Variants in CSPG4 observed in about 807,000 individuals in gnomAD.
CSPG4 encodes the protein chondroitin sulfate proteoglycan 4.
In CSPG4, 74 loss-of-function variants were observed where a neutral mutation model predicts 139.3. That is an observed-to-expected ratio of 0.53 (90% CI 0.44 to 0.64). The LOEUF (loss-of-function observed/expected upper bound fraction) is 0.64. Ranked by LOEUF, CSPG4 falls within the 30% of genes least tolerant of loss-of-function variation. The pLI is 0.00. For missense variants in CSPG4, 2,565 were observed against 3,148.3 expected (o/e 0.81, Z 4.43); for synonymous variants, 1,234 against 1,394.2 (o/e 0.89, Z 2.56).
In CSPG4 at chr15:75,676,318, G is replaced by C. The variant is rs147716283; in HGVS notation, c.6201C>G (p.Val2067=). 17 of 1,610,316 alleles carry C rather than the reference G, an allele frequency of 1.1e-5. No homozygotes were observed. Among genetic ancestry groups the C allele is most frequent in the Non-Finnish European group, 1.4e-5 (16 of 1,179,380 alleles). The stretch of plus-strand genomic sequence containing the variant: ...GGTTGGCCAGCTCGCCAGCATCTAG[G>C]ACGGTGGGGTCCAGGCGCAGGGTGG... ...QGATLRLDPT[V]LDAGELANRT... The change falls in exon 10 of 10, where the codon GTC becomes GTG. Residue 2067 remains valine, a synonymous_variant. Coordinates refer to ENST00000308508, the MANE Select transcript of CSPG4 (RefSeq NM_001897.5).
chr15:75,687,980 C>T lies in CSPG4; in HGVS notation c.3085G>A (p.Val1029Met), dbSNP rs1434626951. 3 of 1,612,436 alleles carry T rather than the reference C, an allele frequency of 1.9e-6. No homozygotes were observed. Among genetic ancestry groups the T allele is most frequent in the African/African-American group, 2.7e-5 (2 of 74,950 alleles). ...PVQTISRIFHVARGGRRLLTT... is the reference protein window; with the variant it reads ...PVQTISRIFHMARGGRRLLTT... ...AGCAGCCGCCGCCCACCCCGGGCCA[C>T]ATGGAAGATCCGGCTGATGGTCTGC... is the stretch of plus-strand genomic sequence containing the variant. The change falls in exon 3 of 10, where the codon GTG becomes ATG. Residue 1029 changes from valine (V) to methionine (M), a missense_variant. Around this residue, in one of 5 missense-constraint regions of CSPG4, gnomAD observed 2,316 missense variants for 2,818.2 expected, o/e 0.82. Coordinates refer to ENST00000308508, the MANE Select transcript of CSPG4 (RefSeq NM_001897.5). This position sits in a 1 kb window ranked among gnomAD's most constrained non-coding sequence, Gnocchi z 5.4.
In CSPG4 at chr15:75,697,053, C is replaced by T. The variant is rs527726327; in HGVS notation, c.89-3820G>A. On this transcript the variant is annotated intron_variant, in intron 1 of 9. Coordinates refer to ENST00000308508, the MANE Select transcript of CSPG4 (RefSeq NM_001897.5). ...GGGGAACATCTCTGCCCATCAGGCC[C>T]GCCTCCCCCGGCCAGGGCCCCACCT... Among the ~76,000 whole-genome samples the T allele has an allele frequency of 7.2e-5, 11 of 152,332 alleles. No homozygotes were observed. In the East Asian group the frequency reaches 1.9e-3, roughly 27 times the overall value.
chr15:75,708,766 C>T (rs1952320284), intron 1 of CSPG4, among the ~76,000 whole-genome samples: 1 of 152,260 alleles, frequency 6.6e-6, no homozygotes, highest in African/African-American at 2.4e-5. Flanking sequence ...GTGGTTCACA[C>T]CTGTAATCCC....
At position 75,689,715 on chromosome 15, in the gene CSPG4, C is replaced by A. The variant is rs772099955; in HGVS notation, c.1350G>T (p.Arg450Ser). The change falls in exon 3 of 10, where the codon AGG becomes AGT. Residue 450 changes from arginine (R) to serine (S), a missense_variant. Physicochemically the swap from Arg to Ser is moderately radical, Grantham distance 110 (BLOSUM62 -1). Transcript: ENST00000308508. ...AEGGTAWLEWRHVQPTLDLME... is the reference protein window; with the variant it reads ...AEGGTAWLEWSHVQPTLDLME... ...TCAGGTCCAGCGTGGGCTGCACATG[C>A]CTCCACTCAAGCCAGGCTGTGCCCC... 7 of 1,612,754 alleles carry A rather than the reference C, an allele frequency of 4.3e-6. No individual in the cohort carries two copies. The highest frequency in any genetic ancestry group is 4.2e-6 in the Non-Finnish European group (5 of 1,179,836).
At chr15:75,682,159 G>A in intron 8 of CSPG4, 134 bp downstream of exon 8, 1 of 1,179,956 alleles carries the variant, frequency 8.5e-7, no homozygotes, top group Non-Finnish European at 1.2e-6. Context: ...ACTAGCGCCT[G>A]GACAATGGCA....
In CSPG4 at chr15:75,689,644, C is replaced by A. The variant is rs200809992; in HGVS notation, c.1421G>T (p.Arg474Leu). 8 of 1,612,896 alleles carry A rather than the reference C, an allele frequency of 5.0e-6. No homozygotes were observed. The East Asian group carries it at 1.8e-4, about 36-fold the overall frequency. ...CTCGAGCTCGCCATGGCGTGCCCCT[C>A]GGGTCACGCTGAACAGCACCTGGGA... ...RKSQVLFSVTRGARHGELELD... is the reference protein window; with the variant it reads ...RKSQVLFSVTLGARHGELELD... Residue 474 changes from arginine to leucine, a missense_variant, in exon 3 of 10, where the codon CGA (arginine) becomes CTA (leucine). By Grantham distance (102) the Arg-to-Leu change is moderately radical. Around this residue, in one of 5 missense-constraint regions of CSPG4, gnomAD observed 2,316 missense variants for 2,818.2 expected, o/e 0.82. Transcript: ENST00000308508.
intron 1 of CSPG4, among the ~76,000 whole-genome samples, chr15:75,701,321 A>G (rs1894298612): frequency 6.6e-6 from 1 of 152,152 alleles, no homozygotes. Flanking sequence ...ATGAGATGGC[A>G]TTTGTCCCGT....
chr15:75,682,517 T>C, intron 7 of CSPG4, 58 bp from the exon 8 acceptor site: 2 of 1,585,384 alleles, frequency 1.3e-6, no homozygotes. Flanking sequence ...CAGGCCTGTG[T>C]TTGCAAAGAG....
intron 1 of CSPG4, among the ~76,000 whole-genome samples, chr15:75,699,100 C>T (rs373589682): frequency 6.6e-5 from 10 of 152,200 alleles, no homozygotes; most frequent in African/African-American, 2.4e-5. Context: ...TCTCCTGTCC[C>T]GTGAGCTACC....
Position 75,690,110 on chromosome 15 carries a change from G to A in CSPG4, c.955C>T (p.Arg319Trp), listed in dbSNP as rs777887485. ...AGCCCCCCGAGAAGGAGACTGCCCC[G>A]TGGCTCCAGGTAGCTGAGGACTCCT... is the stretch of plus-strand genomic sequence containing the variant. Reference protein sequence around the residue: ...NRGVLSYLEPRGSLLLGGLDA... With the variant: ...NRGVLSYLEPWGSLLLGGLDA... The change falls in exon 3 of 10, where the codon CGG becomes TGG. Residue 319 changes from arginine to tryptophan, a missense_variant. By Grantham distance (101) the Arg-to-Trp change is moderately radical (BLOSUM62 -3). This residue lies in a region of CSPG4 where 2,316 missense variants were observed against 2,818.2 expected (regional missense o/e 0.82). Transcript: ENST00000308508. 36 of 1,612,582 alleles carry A rather than the reference G, an allele frequency of 2.2e-5. No homozygotes were observed. The highest frequency in any genetic ancestry group is 4.4e-5 in the South Asian group (4 of 90,988).
At position 75,682,564 on chromosome 15, in the gene CSPG4, C is replaced by T. The variant is rs1168772727; in HGVS notation, c.4783+43G>A. 1.1e-5 allele frequency: 17 copies of T among 1,605,724 alleles called. 1 individual carries two copies. The highest frequency in any genetic ancestry group is 1.4e-5 in the Non-Finnish European group (17 of 1,175,114). ...CTGGCATGCCACCCTCAGCTCCGCCCCAGCTCCTGGCACCCAGGAATGCCC... is the reference window on the plus strand; with the variant it reads ...CTGGCATGCCACCCTCAGCTCCGCCTCAGCTCCTGGCACCCAGGAATGCCC... On this transcript the variant is annotated intron_variant, in intron 7 of 9. Transcript: ENST00000308508.
At position 75,690,586 on chromosome 15, in the gene CSPG4, C is replaced by T. The variant is rs754535620; in HGVS notation, c.479G>A (p.Arg160Lys). The T allele has an allele frequency of 1.9e-6, 3 of 1,608,124 alleles. No individual in the cohort carries two copies. The highest frequency in any genetic ancestry group is 1.7e-6 in the Non-Finnish European group (2 of 1,178,130). The change falls in exon 3 of 10, where the codon AGG becomes AAG. Residue 160 changes from arginine (R) to lysine (K), a missense_variant. Transcript: ENST00000308508. The part of the protein sequence containing the change: ...GTGTLGLPYL[R>K]GTSRPLRGCL... Reference sequence around the variant, plus strand: ...ACCCCTCAGGGGTCGGCTGGTTCCCCTCAGGTAGGGCAGGCCAAGGGTCCC... The same window carrying T: ...ACCCCTCAGGGGTCGGCTGGTTCCCTTCAGGTAGGGCAGGCCAAGGGTCCC...
Position 75,712,823 on chromosome 15 carries a change from G to A in CSPG4, c.-68C>T. On this transcript the variant is annotated 5_prime_UTR_variant, in exon 1 of 10. Coordinates refer to ENST00000308508, the MANE Select transcript of CSPG4 (RefSeq NM_001897.5). Reference sequence around the variant, plus strand: ...TCCTGGGAGCTGGGAGCTGAGTGGAGCGAGCGCGGCTCTGCTCCTGGGCGC... The same window carrying A: ...TCCTGGGAGCTGGGAGCTGAGTGGAACGAGCGCGGCTCTGCTCCTGGGCGC... 7.3e-7 allele frequency: 1 copy of A among 1,366,732 alleles called. No individual in the cohort carries two copies. The highest frequency in any genetic ancestry group is 9.8e-7 in the Non-Finnish European group (1 of 1,023,524). 84.7% of individuals were successfully genotyped at this position (1,366,732 alleles called of 1,614,324 possible). A position where few individuals can be genotyped will look rare whatever the true frequency, so the allele number is the denominator to read the frequency against.
chr15:75,713,025 G>C (rs1894470573), upstream of CSPG4, among the ~76,000 whole-genome samples: 1 of 152,216 alleles, frequency 6.6e-6, no homozygotes, highest in Admixed American at 6.5e-5. Flanking sequence ...TTGCAGCTGG[G>C]CCAGACCCCA....
At position 75,675,692 on chromosome 15, in the gene CSPG4, C is replaced by G. The variant is rs779075757; in HGVS notation, c.6827G>C (p.Arg2276Pro). 17 of 1,559,580 alleles carry G rather than the reference C, an allele frequency of 1.1e-5. No individual in the cohort carries two copies. Among genetic ancestry groups the G allele is most frequent in the Non-Finnish European group, 1.5e-5 (17 of 1,150,154 alleles). The change falls in exon 10 of 10, where the codon CGC (arginine) becomes CCC (proline). Residue 2276 changes from arginine to proline, a missense_variant. Coordinates refer to ENST00000308508, the MANE Select transcript of CSPG4 (RefSeq NM_001897.5). ...NGLAGDTETF[R>P]KVEPGQAIPL... ...GATGGCCTGGCCTGGCTCCACCTTG[C>G]GAAAGGTCTCGGTGTCACCAGCCAG...
rs539144752 is a variant in CSPG4 at position 75,677,025 on chromosome 15, G to T, written c.5494C>A (p.Pro1832Thr). The stretch of plus-strand genomic sequence containing the variant: ...GGGACAGAGGCCTGTGGCTGAGGGG[G>T]CCGCTCATTTACATCCCTCACCGTG... ...AITVRDVNERPPQPQASVPLR... is the reference protein window; with the variant it reads ...AITVRDVNERTPQPQASVPLR... The change falls in exon 10 of 10, where the codon CCC (proline) becomes ACC (threonine). Residue 1832 changes from proline to threonine, a missense_variant. By Grantham distance (38) the Pro-to-Thr change is conservative. Transcript: ENST00000308508. 2.8e-6 allele frequency: 4 copies of T among 1,436,814 alleles called. No homozygotes were observed. In the East Asian group the frequency reaches 1.0e-4, roughly 37 times the overall value. 89.0% of individuals were successfully genotyped at this position (1,436,814 alleles called of 1,614,324 possible).
chr15:75,703,950 C>A, intron 1 of CSPG4, among the ~76,000 whole-genome samples: 1 of 76,888 alleles, frequency 1.3e-5, no homozygotes, highest in African/African-American at 6.0e-5. Context: ...TTATTTTTGG[C>A]AGGGCGGGGC....
At chr15:75,685,185 G>T (rs1178056817) in intron 4 of CSPG4, 34 bp downstream of exon 4, 3 of 1,509,502 alleles carry the variant, frequency 2.0e-6, no homozygotes, top group Non-Finnish European at 2.7e-6. Flanking sequence ...CCCAGAGCTG[G>T]GCTGCAGCCC....
intron 1 of CSPG4, among the ~76,000 whole-genome samples, chr15:75,705,610 C>T (rs541727456): frequency 2.2e-4 from 33 of 152,322 alleles, no homozygotes; most frequent in African/African-American, 6.5e-4. Flanking sequence ...ATGCATAGAG[C>T]GTCAGGGCTG....
Sources: gnomAD v4.1 joint callset for allele counts (sites outside exome capture counted in the v4.1 genomes callset) on GRCh38, gnomAD v4.1.1 for gene constraint, gnomAD v4.1.1 regional missense constraint, Gnocchi (gnomAD v3.1) non-coding constraint, MANE v1.5 for transcripts, NCBI Gene and HGNC (gene_info 2026-07-23, HGNC 2026-07-21) for gene names.